Variants in OXCT1 observed in about 807,000 individuals in gnomAD.
OXCT1 encodes 3-oxoacid CoA-transferase 1, also known as succinyl-CoA:3-ketoacid coenzyme A transferase 1, mitochondrial.
Under a neutral mutation model 69.6 loss-of-function variants are expected in OXCT1, and 27 were observed. The ratio of observed to expected loss-of-function variants is 0.39; its 90% CI spans 0.29 to 0.54. OXCT1 has a LOEUF of 0.54. Ranked by LOEUF, OXCT1 falls within the 20% of genes least tolerant of loss-of-function variation. The pLI is 0.72. For synonymous variants in OXCT1, 202 were observed against 217.8 expected (o/e 0.93, Z 0.64); for missense variants, 437 against 650.2 (o/e 0.67, Z 3.57).
chr5:41,761,990 G>T (rs1744371608), intron 14 of OXCT1, 121 bp downstream of exon 14: 2 of 759,890 alleles, frequency 2.6e-6, no homozygotes, highest in Non-Finnish European at 4.9e-6. Flanking sequence ...AAATGTAAAT[G>T]CTATCACCTT....
chr5:41,843,474 A>G (rs960564493), intron 5 of OXCT1: 1 of 448,864 alleles, frequency 2.2e-6, no homozygotes, highest in South Asian at 1.6e-5. Context: ...CTCTTCTGAC[A>G]TTACTGATCT....
chr5:41,835,474 A>AC (rs1265546675), intron 7 of OXCT1, among the ~76,000 whole-genome samples: 1 of 152,202 alleles, frequency 6.6e-6, no homozygotes, highest in Non-Finnish European at 1.5e-5. Flanking sequence ...ATGTCCATTA[A>AC]CCTCTAATTC....
chr5:41,782,360 G>A (rs1745448561), intron 13 of OXCT1, among the ~76,000 whole-genome samples: 1 of 151,926 alleles, frequency 6.6e-6, no homozygotes, highest in Non-Finnish European at 1.5e-5. Context: ...GATTACAGGT[G>A]CATGCCACCA....
At chr5:41,732,384 G>A (rs2111961515) in intron 16 of OXCT1, among the ~76,000 whole-genome samples, 1 of 152,300 alleles carries the variant, frequency 6.6e-6, no homozygotes, top group East Asian at 1.9e-4. Flanking sequence ...TATGTTCAGT[G>A]TATAAAACAG....
chr5:41,763,432 C>A (rs769893819), intron 13 of OXCT1, among the ~76,000 whole-genome samples: 2 of 152,054 alleles, frequency 1.3e-5, no homozygotes, highest in African/African-American at 2.4e-5. Flanking sequence ...CTTCTATAAG[C>A]AATGCCTTCA....
intron 15 of OXCT1, 87 bp from the exon 16 acceptor site, chr5:41,739,578 CG>C (rs1743057623): frequency 1.9e-6 from 2 of 1,047,192 alleles, no homozygotes; most frequent in Admixed American, 3.5e-5. Flanking sequence ...CTCGCAAGTT[CG>C]ACGAGGTCGG....
intron 9 of OXCT1, among the ~76,000 whole-genome samples, 200 bp downstream of exon 9, chr5:41,805,367 G>T (rs541627492): frequency 7.9e-5 from 12 of 151,202 alleles, no homozygotes; most frequent in Non-Finnish European, 1.8e-4. Flanking sequence ...GTTTCAAGAA[G>T]GCAAAGAGAT....
chr5:41,732,918 C>G (rs1319153103), intron 16 of OXCT1, among the ~76,000 whole-genome samples: 3 of 152,114 alleles, frequency 2.0e-5, no homozygotes, highest in African/African-American at 7.2e-5. Flanking sequence ...GAGTTAATGT[C>G]TTGTCTTCCA....
intron 16 of OXCT1, among the ~76,000 whole-genome samples, chr5:41,733,866 A>T (rs528990694): frequency 3.9e-5 from 6 of 152,232 alleles, no homozygotes; most frequent in Non-Finnish European, 8.8e-5. Context: ...TTATTCTGCC[A>T]ACGTGATCTG....
chr5:41,849,335 A>C (rs1749073007), intron 5 of OXCT1, among the ~76,000 whole-genome samples: 1 of 152,206 alleles, frequency 6.6e-6, no homozygotes, highest in Non-Finnish European at 1.5e-5. Context: ...TTCTTCGGCC[A>C]TTTGGACAGG....
At chr5:41,851,746 G>A (rs949004000) in intron 4 of OXCT1, among the ~76,000 whole-genome samples, 1 of 152,076 alleles carries the variant, frequency 6.6e-6, no homozygotes, top group Non-Finnish European at 1.5e-5. Context: ...AATGATGTAC[G>A]TACTTTCTGA....
chr5:41,756,897 T>C (rs904837060), intron 14 of OXCT1, among the ~76,000 whole-genome samples: 13 of 152,084 alleles, frequency 8.5e-5, no homozygotes, highest in Non-Finnish European at 1.6e-4. Flanking sequence ...CTTACGATGT[T>C]CTAGAAACTT....
chr5:41,814,685 T>C (rs971548226), intron 7 of OXCT1, among the ~76,000 whole-genome samples: 4 of 123,052 alleles, frequency 3.3e-5, no homozygotes, highest in Non-Finnish European at 6.3e-5. Flanking sequence ...TGAGAACACA[T>C]GGACACAGGA....
At chr5:41,856,796 A>G (rs1268251439) in intron 3 of OXCT1, among the ~76,000 whole-genome samples, 1 of 152,186 alleles carries the variant, frequency 6.6e-6, no homozygotes, top group Non-Finnish European at 1.5e-5. Flanking sequence ...TGTACTTTTG[A>G]GCTAGAATGC....
rs74728285 is a variant in OXCT1 at position 41,865,889 on chromosome 5, A to T, written c.79-3139T>A. Among the ~76,000 whole-genome samples, 287 of 152,254 alleles carry T rather than the reference A, an allele frequency of 1.9e-3. 4 individuals are homozygous for T. Among genetic ancestry groups the T allele is most frequent in the African/African-American group, 6.5e-3 (268 of 41,546 alleles). On this transcript the variant is annotated intron_variant, in intron 1 of 16. Transcript: ENST00000196371. ...AAATGCAAACTTTTCTTCATTCTCC[A>T]CTAGGGCAGTAAGATCAATTTGTCA...
intron 7 of OXCT1, among the ~76,000 whole-genome samples, chr5:41,811,235 T>C (rs1436940748): frequency 6.6e-5 from 10 of 151,992 alleles, no homozygotes; most frequent in Admixed American, 6.6e-4. Flanking sequence ...AGACCTCACG[T>C]TCAATAGATA....
intron 13 of OXCT1, among the ~76,000 whole-genome samples, chr5:41,791,266 T>A (rs1357474253): frequency 6.6e-6 from 1 of 152,106 alleles, no homozygotes; most frequent in Non-Finnish European, 1.5e-5. Context: ...ACTACCAACT[T>A]CCATTACCAA....
intron 7 of OXCT1, among the ~76,000 whole-genome samples, chr5:41,834,501 A>C (rs1748259934): frequency 1.1e-5 from 1 of 89,230 alleles, no homozygotes; most frequent in South Asian, 3.9e-4. Flanking sequence ...AAAAAAAAAA[A>C]AAACAAAACA....
At chr5:41,817,894 T>C (rs1315184551) in intron 7 of OXCT1, among the ~76,000 whole-genome samples, 1 of 152,186 alleles carries the variant, frequency 6.6e-6, no homozygotes, top group Non-Finnish European at 1.5e-5. Context: ...TGGCACATTA[T>C]CAAGTCTCTC....
Sources: allele counts gnomAD v4.1 joint callset (sites outside exome capture counted in the v4.1 genomes callset), GRCh38; gene constraint gnomAD v4.1.1; transcripts MANE v1.5; gene names NCBI Gene and HGNC (gene_info 2026-07-23, HGNC 2026-07-21).